TRIM77: variants seen among roughly 807,000 people sequenced by gnomAD.
The protein encoded by TRIM77 is tripartite motif containing 77.
In TRIM77, 23 loss-of-function variants were observed where a neutral mutation model predicts 31.8. The observed-to-expected ratio is 0.72, with a 90% CI of 0.52 to 1.02. TRIM77 has a LOEUF of 1.02. Among genes scored for constraint, TRIM77 ranks in the 50% least tolerant of loss-of-function variants. The probability of loss-of-function intolerance (pLI) is 0.00; values close to 1 mark genes in which losing one functional copy is unlikely to be tolerated. For synonymous variants in TRIM77, 159 were observed against 183.1 expected, an observed-to-expected ratio of 0.87 and a Z score of 1.06; for missense variants, 446 against 539.2, an observed-to-expected ratio of 0.83 and a Z score of 1.71.
intron 2 of TRIM77, among the ~76,000 whole-genome samples, chr11:89,711,784 A>C (rs1164064371): frequency 6.6e-6 from 1 of 152,202 alleles, no homozygotes; most frequent in East Asian, 1.9e-4. Flanking sequence ...AGATCACTAG[A>C]ATGAAGGTAA....
At chr11:89,713,740 G>T (rs1325073546) in intron 2 of TRIM77, among the ~76,000 whole-genome samples, 1 of 151,990 alleles carries the variant, frequency 6.6e-6, no homozygotes, top group Non-Finnish European at 1.5e-5. Context: ...TAGGTAATAG[G>T]CAAGCATAGC....
At chr11:89,717,242 C>T in intron 5 of TRIM77, 137 bp from the exon 6 acceptor site, 2 of 799,528 alleles carry the variant, frequency 2.5e-6, no homozygotes, top group Non-Finnish European at 1.9e-6. Flanking sequence ...TGGAAATATT[C>T]CTAATAAACA....
chr11:89,716,782 GA>G (rs1949163948), intron 5 of TRIM77, among the ~76,000 whole-genome samples: 1 of 152,028 alleles, frequency 6.6e-6, no homozygotes, highest in Non-Finnish European at 1.5e-5. Flanking sequence ...TATTGTTTAG[GA>G]CTAATAATGA....
chr11:89,715,292 C>T, intron 4 of TRIM77, 112 bp downstream of exon 4: 1 of 1,005,838 alleles, frequency 9.9e-7, no homozygotes, highest in Non-Finnish European at 1.5e-6. Flanking sequence ...TTATTCCTTT[C>T]TTATCAAAGG....
At position 89,710,317 on chromosome 11, in the gene TRIM77, C is replaced by CAGTGTT; in HGVS notation, c.20_25dup (p.Cys8_Ser9insTer). ...CAGAAACATGGCTTCTGCTATCACG[C>CAGTGTT]AGTGTTCTACCAGTGAGCTCACCTG... On this transcript the variant is annotated stop_gained and inframe_insertion, in exon 1 of 6. Transcript: ENST00000398290. LOFTEE classifies it high-confidence loss of function. 1 of 1,527,904 alleles carries CAGTGTT rather than the reference C, an allele frequency of 6.5e-7. No homozygotes were observed. Among genetic ancestry groups the CAGTGTT allele is most frequent in the African/African-American group, 1.4e-5 (1 of 72,746 alleles). The allele number at this position is 1,527,904 out of a possible 1,614,324, so 94.6% of individuals were successfully genotyped here.
intron 2 of TRIM77, 136 bp downstream of exon 2, chr11:89,711,641 T>C (rs887629961): frequency 3.3e-6 from 2 of 597,700 alleles, no homozygotes; most frequent in African/African-American, 4.0e-5. Flanking sequence ...CTCTACAATA[T>C]AACTTAATCT....
rs1949131604 is a variant in TRIM77, at chr11:89,712,815, G to A, written c.507+1310G>A. The stretch of plus-strand genomic sequence containing the variant: ...TTAATCACACACATGAGCACAGCAA[G>A]TTTGATCACATTTGATTAATTTAGC... On this transcript the variant is annotated intron_variant, in intron 2 of 5. Transcript: ENST00000398290. 2.6e-5 allele frequency among the ~76,000 whole-genome samples: 4 copies of A among 152,294 alleles called. No individual in the cohort carries two copies. In the South Asian group the frequency reaches 8.3e-4, roughly 32 times the overall value.
rs777861818 is a variant in TRIM77, at chr11:89,717,630, G to C, written c.1111G>C (p.Asp371His). 5.8e-6 allele frequency: 9 copies of C among 1,551,222 alleles called. No individual in the cohort carries two copies. In the African/African-American group the frequency reaches 9.6e-5, roughly 17 times the overall value. ...AWTKRNDMRL[D>H]SEGIFLLLCL... ...GACAAAGAGGAATGACATGCGACTTGACTCTGAGGGTATCTTTCTACTCCT... is the reference window on the plus strand; with the variant it reads ...GACAAAGAGGAATGACATGCGACTTCACTCTGAGGGTATCTTTCTACTCCT... The change falls in exon 6 of 6, where the codon GAC (aspartate) becomes CAC (histidine). Residue 371 changes from aspartate to histidine, a missense_variant. By Grantham distance (81) the Asp-to-His change is moderately conservative (BLOSUM62 -1). Around this residue, in one of 3 missense-constraint regions of TRIM77, gnomAD observed 366 missense variants for 447.9 expected, o/e 0.82. Coordinates refer to ENST00000398290, the MANE Select transcript of TRIM77 (RefSeq NM_001146162.1).
Position 89,715,996 on chromosome 11 carries a change from G to A in TRIM77, c.859+9G>A, listed in dbSNP as rs1226464469. 39 of 1,521,886 alleles carry A rather than the reference G, an allele frequency of 2.6e-5. No individual in the cohort carries two copies. The highest frequency in any genetic ancestry group is 3.1e-5 in the Non-Finnish European group (35 of 1,122,142). 94.3% of individuals were successfully genotyped at this position (1,521,886 alleles called of 1,614,324 possible). ...GCTTAACTTCTTCAGAGGTAAGAGT[G>A]TGAACTGCACTAATGTTTCCAACGT... On this transcript the variant is annotated intron_variant, in intron 5 of 5. Coordinates refer to ENST00000398290, the MANE Select transcript of TRIM77 (RefSeq NM_001146162.1).
Position 89,714,377 on chromosome 11 carries a change from GA to G in TRIM77, c.696del (p.Lys232AsnfsTer2). The G allele has an allele frequency of 6.4e-7, 1 of 1,551,654 alleles. No individual in the cohort carries two copies. Among genetic ancestry groups the G allele is most frequent in the South Asian group, 1.2e-5 (1 of 84,052 alleles). On this transcript the variant is annotated frameshift_variant, in exon 3 of 6. Transcript: ENST00000398290. LOFTEE classifies it high-confidence loss of function. The stretch of plus-strand genomic sequence containing the variant: ...GTATACTCCTGAGAGAAATGTATGA[GA>G]AACTGAAGGAAATGAGCTGTAAAGC... ...MGILLREMYE[K>X]LKEMSCKADV...
chr11:89,715,265 G>T (rs372141348), intron 4 of TRIM77, 85 bp downstream of exon 4: 71 of 1,235,394 alleles, frequency 5.7e-5, no homozygotes, highest in Non-Finnish European at 7.6e-5. Flanking sequence ...CTTTTAGTGA[G>T]GAATTTCTGT....
In TRIM77 at chr11:89,717,801, C is replaced by T. The variant is rs1231089921; in HGVS notation, c.1282C>T (p.Leu428Phe). 36 of 1,550,836 alleles carry T rather than the reference C, an allele frequency of 2.3e-5. No homozygotes were observed. Among genetic ancestry groups the T allele is most frequent in the Admixed American group, 3.9e-5 (2 of 50,926 alleles). ...CTTTGTTAATGTTGCCCAAAGTTCCCTCATTTGTAGTTTCCTCTCACGCAT... is the reference window on the plus strand; with the variant it reads ...CTTTGTTAATGTTGCCCAAAGTTCCTTCATTTGTAGTTTCCTCTCACGCAT... ...VSFVNVAQSS[L>F]ICSFLSRIFY... The change falls in exon 6 of 6, where the codon CTC (leucine) becomes TTC (phenylalanine). Residue 428 changes from leucine to phenylalanine, a missense_variant. By Grantham distance (22) the Leu-to-Phe change is conservative (BLOSUM62 0). Coordinates refer to ENST00000398290, the MANE Select transcript of TRIM77 (RefSeq NM_001146162.1).
Position 89,710,544 on chromosome 11 carries a change from C to T in TRIM77, c.246C>T (p.Pro82=), listed in dbSNP as rs773753410. The T allele has an allele frequency of 2.6e-6, 4 of 1,551,722 alleles. No homozygotes were observed. In the South Asian group the frequency reaches 4.8e-5, roughly 18 times the overall value. The change falls in exon 1 of 6, where the codon CCC becomes CCT. Residue 82 remains proline (P), a synonymous_variant. Coordinates refer to ENST00000398290, the MANE Select transcript of TRIM77 (RefSeq NM_001146162.1). The part of the protein sequence containing the change: ...KQVIPTRESV[P]CQLSSSAMLI... ...TTATTCCTACAAGAGAATCAGTCCC[C>T]TGCCAGTTATCAAGCTCTGCCATGC...
At position 89,717,798 on chromosome 11, in the gene TRIM77, T is replaced by C; in HGVS notation, c.1279T>C (p.Ser427Pro). 6.4e-7 allele frequency: 1 copy of C among 1,551,044 alleles called. No individual in the cohort carries two copies. Among genetic ancestry groups the C allele is most frequent in the Non-Finnish European group, 8.7e-7 (1 of 1,146,580 alleles). Residue 427 changes from serine (S) to proline (P), a missense_variant, in exon 6 of 6, where the codon TCC (serine) becomes CCC (proline). Around this residue, in one of 3 missense-constraint regions of TRIM77, gnomAD observed 366 missense variants for 447.9 expected, o/e 0.82. Transcript: ENST00000398290. Reference protein sequence around the residue: ...IVSFVNVAQSSLICSFLSRIF... With the variant: ...IVSFVNVAQSPLICSFLSRIF... ...GAGCTTTGTTAATGTTGCCCAAAGT[T>C]CCCTCATTTGTAGTTTCCTCTCACG...
chr11:89,717,460 A>C lies in TRIM77; in HGVS notation c.941A>C (p.Asp314Ala), dbSNP rs935424828. 6 of 1,551,416 alleles carry C rather than the reference A, an allele frequency of 3.9e-6. No individual in the cohort carries two copies. The highest frequency in any genetic ancestry group is 5.2e-6 in the Non-Finnish European group (6 of 1,146,882). Reference sequence around the variant, plus strand: ...CTAAGGCATTTGCAGTGCAGCCTTGATGATACAGACATGTCCTGTAATCCA... The same window carrying C: ...CTAAGGCATTTGCAGTGCAGCCTTGCTGATACAGACATGTCCTGTAATCCA... Reference protein sequence around the residue: ...EDLRHLQCSLDDTDMSCNPTS... With the variant: ...EDLRHLQCSLADTDMSCNPTS... Residue 314 changes from aspartate (D) to alanine (A), a missense_variant, in exon 6 of 6, where the codon GAT (aspartate) becomes GCT (alanine). This residue lies in a region of TRIM77 where 366 missense variants were observed against 447.9 expected (regional missense o/e 0.82). Coordinates refer to ENST00000398290, the MANE Select transcript of TRIM77 (RefSeq NM_001146162.1).
In TRIM77 at chr11:89,717,361, TG is replaced by T. The variant is rs780864311; in HGVS notation, c.860-17del. 2 of 1,514,900 alleles carry T rather than the reference TG, an allele frequency of 1.3e-6. No individual in the cohort carries two copies. The highest frequency in any genetic ancestry group is 2.8e-5 in the African/African-American group (2 of 71,680). The allele number at this position is 1,514,900 out of a possible 1,614,324, so 93.8% of individuals were successfully genotyped here. On this transcript the variant is annotated splice_polypyrimidine_tract_variant and intron_variant, in intron 5 of 5. Transcript: ENST00000398290. ...TTTTAAACTGTTTTTTTGCATTCAC[TG>T]TTTTCTTTTGCCATAGTGTATATCA...
chr11:89,710,670 C>A lies in TRIM77; in HGVS notation c.372C>A (p.His124Gln), dbSNP rs1387739490. 6.5e-7 allele frequency: 1 copy of A among 1,550,130 alleles called. No homozygotes were observed. Among genetic ancestry groups the A allele is most frequent in the East Asian group, 2.4e-5 (1 of 40,918 alleles). The stretch of plus-strand genomic sequence containing the variant: ...CTCAATCCCCAAGGCATGCTACTCA[C>A]AAACACTATATGACAAGGGAGGCTG... ...LCSQSPRHAT[H>Q]KHYMTREADE... is the part of the protein sequence containing the mutation. Residue 124 changes from histidine (H) to glutamine (Q), a missense_variant, in exon 1 of 6, where the codon CAC (histidine) becomes CAA (glutamine). By Grantham distance (24) the His-to-Gln change is conservative (BLOSUM62 0). Transcript: ENST00000398290.
At chr11:89,711,700 G>C (rs1284098587) in intron 2 of TRIM77, among the ~76,000 whole-genome samples, 195 bp downstream of exon 2, 1 of 152,086 alleles carries the variant, frequency 6.6e-6, no homozygotes, top group Non-Finnish European at 1.5e-5. Flanking sequence ...AAAATATCCT[G>C]ATTTTTCTGA....
rs1328519477 is a variant in TRIM77, at chr11:89,710,764, G to T, written c.411+55G>T. The T allele has an allele frequency of 3.0e-6, 4 of 1,340,702 alleles. No homozygotes were observed. In the Admixed American group the frequency reaches 1.1e-4, roughly 37 times the overall value. The allele number at this position is 1,340,702 out of a possible 1,614,324, so 83.1% of individuals were successfully genotyped here. On this transcript the variant is annotated intron_variant, in intron 1 of 5. Coordinates refer to ENST00000398290, the MANE Select transcript of TRIM77 (RefSeq NM_001146162.1). Reference sequence around the variant, plus strand: ...AATGTGAAGAACCCTGAATCCTACAGGTAATACGGAAAGATATACTTATCA... The same window carrying T: ...AATGTGAAGAACCCTGAATCCTACATGTAATACGGAAAGATATACTTATCA...
Sources: allele counts gnomAD v4.1 joint callset (sites outside exome capture counted in the v4.1 genomes callset), GRCh38; gene constraint gnomAD v4.1.1; regional missense constraint gnomAD v4.1.1; transcripts MANE v1.5; gene names NCBI Gene and HGNC (gene_info 2026-07-23, HGNC 2026-07-21).